The following NKAIN2 variants were observed in gnomAD, a reference collection of about 807,000 sequenced individuals.
NKAIN2 encodes the protein sodium/potassium transporting ATPase interacting 2, also known as sodium/potassium-transporting ATPase subunit beta-1-interacting protein 2.
In NKAIN2, 14 loss-of-function variants were observed where a neutral mutation model predicts 32.6. That is an observed-to-expected ratio of 0.43 (90% CI 0.28 to 0.67). The LOEUF (loss-of-function observed/expected upper bound fraction) is 0.67, where lower values mean the gene tolerates loss of function less well. Among genes scored for constraint, NKAIN2 ranks in the 30% least tolerant of loss-of-function variants. The pLI is 0.17. For missense variants in NKAIN2, 198 were observed against 258.3 expected (o/e 0.77, Z 1.60); for synonymous variants, 80 against 87.2 (o/e 0.92, Z 0.46).
chr6:124,590,285 T>C (rs1781863684), intron 3 of NKAIN2, among the ~76,000 whole-genome samples: 1 of 152,194 alleles, frequency 6.6e-6, no homozygotes, highest in Non-Finnish European at 1.5e-5. Context: ...TGTGTTGTAA[T>C]GAACCGGAAT....
intron 2 of NKAIN2, among the ~76,000 whole-genome samples, chr6:124,309,890 T>C (rs1271653344): frequency 1.3e-5 from 2 of 152,098 alleles, no homozygotes. Context: ...TTCCCTTCTC[T>C]CTCCTTCACC....
intron 1 of NKAIN2, among the ~76,000 whole-genome samples, chr6:124,176,548 C>G (rs1389653710): frequency 2.6e-5 from 4 of 151,982 alleles, no homozygotes; most frequent in Non-Finnish European, 5.9e-5. Flanking sequence ...CATTATGATC[C>G]TAATCTTAGG....
chr6:124,297,098 T>G (rs1309707453), intron 2 of NKAIN2, among the ~76,000 whole-genome samples: 1 of 152,192 alleles, frequency 6.6e-6, no homozygotes, highest in Non-Finnish European at 1.5e-5. Context: ...CCATGATGAC[T>G]AGTATGTCAT....
At chr6:124,559,517 G>A (rs1302413629) in intron 3 of NKAIN2, among the ~76,000 whole-genome samples, 2 of 152,180 alleles carry the variant, frequency 1.3e-5, no homozygotes, top group African/African-American at 2.4e-5. Context: ...CCTGAGGACT[G>A]CTTCTATATA....
intron 4 of NKAIN2, among the ~76,000 whole-genome samples, chr6:124,710,894 G>T (rs555784709): frequency 2.0e-5 from 3 of 150,890 alleles, no homozygotes; most frequent in Middle Eastern, 3.4e-3. Context: ...TGCTTATTTT[G>T]CTCGTTAGTT....
At chr6:124,648,180 C>T (rs1201100990) in intron 3 of NKAIN2, among the ~76,000 whole-genome samples, 1 of 152,134 alleles carries the variant, frequency 6.6e-6, no homozygotes, top group Non-Finnish European at 1.5e-5. Flanking sequence ...CTGACATGAA[C>T]CAGTAGGGAG....
At chr6:124,721,392 A>C (rs1056468419) in intron 4 of NKAIN2, among the ~76,000 whole-genome samples, 3 of 139,910 alleles carry the variant, frequency 2.1e-5, no homozygotes, top group African/African-American at 8.1e-5. Context: ...CGACAGAACG[A>C]GACTCCGTCT....
At chr6:124,277,239 G>A (rs569670556) in intron 1 of NKAIN2, among the ~76,000 whole-genome samples, 6 of 152,188 alleles carry the variant, frequency 3.9e-5, no homozygotes, top group Admixed American at 2.6e-4. Flanking sequence ...ACAAACAAAC[G>A]AATGTTAGCA....
chr6:124,102,638 C>T (rs1369860555), intron 1 of NKAIN2, among the ~76,000 whole-genome samples: 1 of 152,146 alleles, frequency 6.6e-6, no homozygotes, highest in Admixed American at 6.5e-5. Context: ...GCTCTGTGCA[C>T]AGGACAATTC....
intron 1 of NKAIN2, among the ~76,000 whole-genome samples, chr6:124,092,829 T>C (rs1167084079): frequency 1.3e-5 from 2 of 152,050 alleles, no homozygotes; most frequent in Non-Finnish European, 2.9e-5. Flanking sequence ...ATCACCTGAA[T>C]AGGGCTGATC....
At chr6:124,139,958 T>A (rs1211653234) in intron 1 of NKAIN2, among the ~76,000 whole-genome samples, 2 of 152,174 alleles carry the variant, frequency 1.3e-5, no homozygotes, top group African/African-American at 4.8e-5. Context: ...TATGCACAGA[T>A]GTTATTAATT....
At chr6:124,596,785 A>G (rs556598725) in intron 3 of NKAIN2, among the ~76,000 whole-genome samples, 1 of 152,148 alleles carries the variant, frequency 6.6e-6, no homozygotes, top group South Asian at 2.1e-4. Flanking sequence ...GTATATCTCT[A>G]TATAAGAGAT....
chr6:124,541,430 G>A (rs1370197577), intron 3 of NKAIN2, among the ~76,000 whole-genome samples: 1 of 152,036 alleles, frequency 6.6e-6, no homozygotes, highest in Non-Finnish European at 1.5e-5. Flanking sequence ...TTATATAGAG[G>A]GTTAGTCCAT....
At chr6:124,218,303 A>G (rs547569210) in intron 1 of NKAIN2, among the ~76,000 whole-genome samples, 5 of 152,300 alleles carry the variant, frequency 3.3e-5, no homozygotes, top group South Asian at 4.1e-4. Flanking sequence ...GAAAATAAAA[A>G]ATAAAAGTAA....
At chr6:124,415,646 C>A (rs186830041) in intron 3 of NKAIN2, among the ~76,000 whole-genome samples, 1 of 152,056 alleles carries the variant, frequency 6.6e-6, no homozygotes, top group African/African-American at 2.4e-5. Context: ...AAGTCTCAAT[C>A]CTCTATTCCT....
intron 3 of NKAIN2, among the ~76,000 whole-genome samples, chr6:124,583,053 C>G (rs1387213053): frequency 1.3e-5 from 2 of 151,940 alleles, no homozygotes; most frequent in African/African-American, 2.4e-5. Context: ...CTTCTAAGAA[C>G]TAGAAAATAA....
At chr6:123,997,425 A>G (rs17086447) in intron 1 of NKAIN2, among the ~76,000 whole-genome samples, 4,355 of 152,236 alleles carry the variant, frequency 0.029, 139 homozygotes, top group African/African-American at 0.078. Context: ...TGATAGGCAC[A>G]GCCAGCTGTC....
chr6:124,080,037 A>G (rs916645575), intron 1 of NKAIN2, among the ~76,000 whole-genome samples: 13 of 152,118 alleles, frequency 8.5e-5, no homozygotes, highest in African/African-American at 3.1e-4. Context: ...CTTGGGCATC[A>G]AAAGATTAAG....
At chr6:124,134,124 T>TAA (rs35419422) in intron 1 of NKAIN2, among the ~76,000 whole-genome samples, 87 of 145,924 alleles carry the variant, frequency 6.0e-4, no homozygotes, top group Middle Eastern at 7.2e-3. Flanking sequence ...TAAAAGAAAT[T>TAA]AAAAAAAAAA....
Sources: gnomAD v4.1 joint callset for allele counts (sites outside exome capture counted in the v4.1 genomes callset) on GRCh38, gnomAD v4.1.1 for gene constraint, MANE v1.5 for transcripts, NCBI Gene and HGNC (gene_info 2026-07-23, HGNC 2026-07-21) for gene names.